Variants in JADE3 observed in about 807,000 individuals in gnomAD.
JADE3 encodes jade family PHD finger 3.
In JADE3, 2 loss-of-function variants were observed where a neutral mutation model predicts 50.1. The ratio of observed to expected loss-of-function variants is 0.04; its 90% CI spans 0.02 to 0.13. The LOEUF (loss-of-function observed/expected upper bound fraction) is 0.13, where lower values mean the gene tolerates loss of function less well. Among genes scored for constraint, JADE3 ranks in the 10% least tolerant of loss-of-function variants. JADE3 has a pLI of 1.00. For missense variants in JADE3, 475 were observed against 634.4 expected, an observed-to-expected ratio of 0.75 and a Z score of 2.70; for synonymous variants, 218 against 232.9, an observed-to-expected ratio of 0.94 and a Z score of 0.58.
chrX:47,028,306 GCTAAA>G (rs1928947962), intron 6 of JADE3, among the ~76,000 whole-genome samples: 1 of 110,232 alleles, frequency 9.1e-6, no homozygotes, highest in South Asian at 4.1e-4. Flanking sequence ...ACCCCATGGG[GCTAAA>G]CCCAGGTCTT....
intron 1 of JADE3, among the ~76,000 whole-genome samples, chrX:46,983,555 C>T (rs782444655): frequency 1.8e-5 from 2 of 111,014 alleles, no homozygotes; most frequent in Admixed American, 1.9e-4. Context: ...TAAGAGATGC[C>T]GACATCCTGT....
chrX:46,931,573 C>T (rs923051668), intron 1 of JADE3, among the ~76,000 whole-genome samples: 10 of 110,079 alleles, frequency 9.1e-5, no homozygotes, highest in Non-Finnish European at 1.9e-4. Flanking sequence ...AGGTGCCCGC[C>T]ACCATGCCCA....
chrX:47,030,078 T>C lies in JADE3; in HGVS notation c.687+1975T>C, dbSNP rs782154774. On this transcript the variant is annotated intron_variant, in intron 6 of 10. Coordinates refer to ENST00000614628, the MANE Select transcript of JADE3 (RefSeq NM_014735.5). ...GGGCTTAGGTCATATACTATATATATATATATACTTTCCTAAGATCTGAGC... is the reference window on the plus strand; with the variant it reads ...GGGCTTAGGTCATATACTATATATACATATATACTTTCCTAAGATCTGAGC... Among the ~76,000 whole-genome samples, 4 of 110,917 alleles carry C rather than the reference T, an allele frequency of 3.6e-5. No individual in the cohort carries two copies. The East Asian group carries it at 1.1e-3, about 31-fold the overall frequency.
chrX:46,954,931 A>C (rs182492593), intron 1 of JADE3, among the ~76,000 whole-genome samples: 120 of 112,539 alleles, frequency 1.1e-3, no homozygotes, highest in Admixed American at 2.0e-3. Flanking sequence ...AGGCATGCAA[A>C]GGCTGCTCAA....
chrX:46,926,273 A>T (rs192895476), intron 1 of JADE3, among the ~76,000 whole-genome samples: 1 of 106,357 alleles, frequency 9.4e-6, no homozygotes, highest in East Asian at 3.0e-4. Flanking sequence ...TTTTTAAGAC[A>T]GGGTGTCACT....
chrX:46,913,202 C>T (rs369238039), intron 1 of JADE3, among the ~76,000 whole-genome samples: 13 of 111,473 alleles, frequency 1.2e-4, no homozygotes, highest in African/African-American at 3.9e-4. Flanking sequence ...CTCCAGGGAG[C>T]GAGGGCGCGC....
At chrX:47,031,737 T>C (rs907869654) in intron 6 of JADE3, among the ~76,000 whole-genome samples, 2 of 110,845 alleles carry the variant, frequency 1.8e-5, no homozygotes, top group South Asian at 7.7e-4. Flanking sequence ...GAGTGGCACA[T>C]GCCTGTGCTC....
intron 1 of JADE3, among the ~76,000 whole-genome samples, chrX:46,964,527 T>G (rs934492524): frequency 4.1e-4 from 46 of 111,695 alleles, no homozygotes; most frequent in African/African-American, 1.5e-3. Context: ...AGTGAAGACG[T>G]CTCCAGATGA....
Position 46,998,171 on chromosome X carries a change from A to G in JADE3, c.178A>G (p.Ile60Val), listed in dbSNP as rs782544784. The change falls in exon 4 of 11, where the codon ATT becomes GTT. Residue 60 changes from isoleucine to valine, a missense_variant. Coordinates refer to ENST00000614628, the MANE Select transcript of JADE3 (RefSeq NM_014735.5). ...SAMKLPDSHHINPDSYYLFAD... is the reference protein window; with the variant it reads ...SAMKLPDSHHVNPDSYYLFAD... Reference sequence around the variant, plus strand: ...CATGAAACTTCCAGATTCTCACCACATTAATCCTGATAGCTATTACCTCTT... The same window carrying G: ...CATGAAACTTCCAGATTCTCACCACGTTAATCCTGATAGCTATTACCTCTT... 5.8e-6 allele frequency: 7 copies of G among 1,203,622 alleles called. No individual in the cohort carries two copies. Among genetic ancestry groups the G allele is most frequent in the Non-Finnish European group, 5.6e-6 (5 of 888,523 alleles).
At chrX:46,963,609 C>T (rs1007770362) in intron 1 of JADE3, among the ~76,000 whole-genome samples, 12 of 112,140 alleles carry the variant, frequency 1.1e-4, no homozygotes, top group Non-Finnish European at 1.9e-4. Flanking sequence ...GCTGGTCTCC[C>T]CTTATGCCTA....
intron 1 of JADE3, among the ~76,000 whole-genome samples, chrX:46,960,725 G>T (rs782134210): frequency 8.9e-6 from 1 of 111,826 alleles, no homozygotes; most frequent in Non-Finnish European, 1.9e-5. Context: ...ATTATATGCC[G>T]AATCCTGTGA....
chrX:47,058,462 C>T lies in JADE3; in HGVS notation c.1857C>T (p.Ser619=). Residue 619 remains serine, a synonymous_variant, in exon 11 of 11, where the codon TCC becomes TCT. Coordinates refer to ENST00000614628, the MANE Select transcript of JADE3 (RefSeq NM_014735.5). ...ATTCTAGGAGTGAAGCAAAGGAGTC[C>T]AGTCCTGCTTGGAGAACCCCGTCCT... ...LSHSRSEAKE[S]SPAWRTPSSE... The T allele has an allele frequency of 8.3e-7, 1 of 1,211,613 alleles. No homozygotes were observed. Among genetic ancestry groups the T allele is most frequent in the African/African-American group, 1.7e-5 (1 of 57,792 alleles).
chrX:46,942,705 T>C (rs1556342543), intron 1 of JADE3, among the ~76,000 whole-genome samples: 1 of 112,159 alleles, frequency 8.9e-6, no homozygotes, highest in African/African-American at 3.2e-5. Context: ...TGTTGTTCCA[T>C]ATGAATTTTA....
intron 1 of JADE3, among the ~76,000 whole-genome samples, chrX:46,956,245 A>G (rs964308672): frequency 9.0e-6 from 1 of 111,603 alleles, no homozygotes; most frequent in South Asian, 3.8e-4. Context: ...TTGTATTTTT[A>G]GTAGACAAGG....
rs782507954 is a variant in JADE3 at position 46,974,975 on chromosome X, CCT to C, written c.-11-9906_-11-9905del. Among the ~76,000 whole-genome samples the C allele has an allele frequency of 3.6e-5, 4 of 112,239 alleles. No homozygotes were observed. The South Asian group carries it at 1.5e-3, about 41-fold the overall frequency. Reference sequence around the variant, plus strand: ...GGATGTTTAACGGCATCCCTCCTGACCTCTATCCCTAGATGCCAGTAACATCA... The same window carrying C: ...GGATGTTTAACGGCATCCCTCCTGACCTATCCCTAGATGCCAGTAACATCA... On this transcript the variant is annotated intron_variant, in intron 1 of 10. Transcript: ENST00000614628.
intron 10 of JADE3, among the ~76,000 whole-genome samples, chrX:47,056,713 A>T (rs1308327859): frequency 1.8e-5 from 2 of 112,066 alleles, no homozygotes; most frequent in African/African-American, 6.5e-5. Context: ...AGCAAGACAA[A>T]ATCCCTGCCT....
intron 1 of JADE3, among the ~76,000 whole-genome samples, chrX:46,914,703 T>C (rs190462335): frequency 4.4e-4 from 50 of 112,496 alleles, no homozygotes; most frequent in Middle Eastern, 4.6e-3. Context: ...TCCAGTCAAT[T>C]CTGGAATACT....
chrX:46,915,313 G>A (rs1222159641), intron 1 of JADE3, among the ~76,000 whole-genome samples: 1 of 112,155 alleles, frequency 8.9e-6, no homozygotes, highest in Non-Finnish European at 1.9e-5. Context: ...AATAGGAGCT[G>A]AGAAGACAGA....
rs782151820 is a variant in JADE3 at position 46,975,822 on chromosome X, C to T, written c.-11-9062C>T. Reference sequence around the variant, plus strand: ...GCAACCTCCGCCTCCCAGGTTCAAGCGATTCTCATGCCTCAGCCTCCTGAG... The same window carrying T: ...GCAACCTCCGCCTCCCAGGTTCAAGTGATTCTCATGCCTCAGCCTCCTGAG... On this transcript the variant is annotated intron_variant, in intron 1 of 10. Transcript: ENST00000614628. 5.1e-3 allele frequency among the ~76,000 whole-genome samples: 494 copies of T among 97,100 alleles called. 1 individual carries two copies. Among genetic ancestry groups the T allele is most frequent in the South Asian group, 0.014 (28 of 2,011 alleles). The allele number at this position is 97,100 out of a possible 115,157, so 84.3% of individuals were successfully genotyped here.
Sources: allele counts gnomAD v4.1 joint callset (sites outside exome capture counted in the v4.1 genomes callset), GRCh38; gene constraint gnomAD v4.1.1; transcripts MANE v1.5; gene names NCBI Gene and HGNC (gene_info 2026-07-23, HGNC 2026-07-21).